IDI2: variants seen among roughly 807,000 people sequenced by gnomAD.
IDI2 encodes isopentenyl-diphosphate delta isomerase 2, also known as isopentenyl-diphosphate delta-isomerase 2.
Under a neutral mutation model 14.8 loss-of-function variants are expected in IDI2, and 18 were observed. That is an observed-to-expected ratio of 1.22 (90% CI 0.84 to 1.80). The LOEUF is 1.80. IDI2 is among the 40% of genes most tolerant of loss of function. The probability of loss-of-function intolerance (pLI) is 0.00; values close to 1 mark genes in which losing one functional copy is unlikely to be tolerated. For missense variants in IDI2, 316 were observed against 283.2 expected, an observed-to-expected ratio of 1.12 and a Z score of -0.83; for synonymous variants, 133 against 109.6, an observed-to-expected ratio of 1.21 and a Z score of -1.33.
At position 1,019,756 on chromosome 10, in the gene IDI2, T is replaced by A; in HGVS notation, c.445A>T (p.Ile149Phe). The change falls in exon 5 of 5, where the codon ATT (isoleucine) becomes TTT (phenylalanine). Residue 149 changes from isoleucine (I) to phenylalanine (F), a missense_variant. By Grantham distance (21) the Ile-to-Phe change is conservative. Coordinates refer to ENST00000277517, the MANE Select transcript of IDI2 (RefSeq NM_033261.3). ...TTCCTCACAAGCAGAAGGTAACAAATTTCATGCTCTCCCCAAATTCTGTCT... is the reference window on the plus strand; with the variant it reads ...TTCCTCACAAGCAGAAGGTAACAAAATTCATGCTCTCCCCAAATTCTGTCT... ...KSDRIWGEHEICYLLLVRKNV... is the reference protein window; with the variant it reads ...KSDRIWGEHEFCYLLLVRKNV... 1.9e-6 allele frequency: 3 copies of A among 1,614,000 alleles called. No individual in the cohort carries two copies. Among genetic ancestry groups the A allele is most frequent in the Non-Finnish European group, 2.5e-6 (3 of 1,179,992 alleles).
At chr10:1,023,904 T>A (rs569048029) in intron 2 of IDI2, among the ~76,000 whole-genome samples, 168 of 152,340 alleles carry the variant, frequency 1.1e-3, no homozygotes, top group African/African-American at 4.0e-3. Flanking sequence ...ATGCATGACA[T>A]GGTGGTATCA....
intron 4 of IDI2, among the ~76,000 whole-genome samples, chr10:1,020,227 CTTT>C (rs67920739): frequency 1.4e-5 from 2 of 144,368 alleles, no homozygotes; most frequent in Non-Finnish European, 3.0e-5. Context: ...GAATTTCTTT[CTTT>C]TTTTTTTTTT....
chr10:1,022,674 C>G lies in IDI2; in HGVS notation c.235+9G>C, dbSNP rs757466189. On this transcript the variant is annotated intron_variant, in intron 3 of 4. Coordinates refer to ENST00000277517, the MANE Select transcript of IDI2 (RefSeq NM_033261.3). ...CTCTTCAGTCCGGGGCTTGGTTGAA[C>G]GGACTCACCAGGAAACGTGACTTTC... 6.2e-7 allele frequency: 1 copy of G among 1,605,212 alleles called. No homozygotes were observed. The highest frequency in any genetic ancestry group is 8.5e-7 in the Non-Finnish European group (1 of 1,172,108).
rs552835777 is a variant in IDI2, at chr10:1,022,076, G to A, written c.235+607C>T. On this transcript the variant is annotated intron_variant, in intron 3 of 4. Coordinates refer to ENST00000277517, the MANE Select transcript of IDI2 (RefSeq NM_033261.3). ...AGATCGAGACCATCCTGGCTAACAC[G>A]GTGAAACCCCGTCTCTACTAAAAAT... 5.3e-5 allele frequency among the ~76,000 whole-genome samples: 8 copies of A among 152,104 alleles called. No homozygotes were observed. In the East Asian group the frequency reaches 1.3e-3, roughly 26 times the overall value.
intron 1 of IDI2, 70 bp from the exon 2 acceptor site, chr10:1,024,814 C>T: frequency 6.8e-7 from 1 of 1,469,296 alleles, no homozygotes; most frequent in Non-Finnish European, 9.4e-7. Flanking sequence ...TATGTGTTAC[C>T]AACCACATTA....
At chr10:1,021,523 A>C (rs182896356) in intron 3 of IDI2, among the ~76,000 whole-genome samples, 10 of 152,276 alleles carry the variant, frequency 6.6e-5, no homozygotes, top group Non-Finnish European at 1.0e-4. Flanking sequence ...CTCTGCAAGG[A>C]GTTTGGCTGA....
At chr10:1,019,974 T>A in intron 4 of IDI2, 140 bp from the exon 5 acceptor site, 1 of 685,830 alleles carries the variant, frequency 1.5e-6, no homozygotes, top group Non-Finnish European at 2.4e-6. Context: ...AAAACCTCGA[T>A]TTTAGCTAAG....
chr10:1,019,982 A>G (rs979951948), intron 4 of IDI2, 148 bp from the exon 5 acceptor site: 2 of 672,054 alleles, frequency 3.0e-6, no homozygotes, highest in Non-Finnish European at 5.0e-6. Context: ...GATTTTAGCT[A>G]AGTAAATTTT....
chr10:1,020,934 C>T (rs1449067241), intron 3 of IDI2, 37 bp from the exon 4 acceptor site: 4 of 1,595,218 alleles, frequency 2.5e-6, no homozygotes, highest in Middle Eastern at 3.4e-4. Flanking sequence ...CCTCTTTATT[C>T]CTGAAAAGTG....
At chr10:1,025,494 T>C (rs970377851) in intron 1 of IDI2, among the ~76,000 whole-genome samples, 6 of 149,180 alleles carry the variant, frequency 4.0e-5, no homozygotes, top group Non-Finnish European at 8.9e-5. Flanking sequence ...TGAGCCGAGA[T>C]CGTGCCATTG....
intron 3 of IDI2, 121 bp from the exon 4 acceptor site, chr10:1,021,018 G>A: frequency 8.8e-7 from 1 of 1,142,706 alleles, no homozygotes; most frequent in Non-Finnish European, 1.2e-6. Context: ...GCCTGGCGGG[G>A]GGAGTGGGTT....
Position 1,022,698 on chromosome 10 carries a change from T to C in IDI2, c.220A>G (p.Lys74Glu), listed in dbSNP as rs1832131465. 1.9e-6 allele frequency: 3 copies of C among 1,613,902 alleles called. No homozygotes were observed. Among genetic ancestry groups the C allele is most frequent in the South Asian group, 2.2e-5 (2 of 91,074 alleles). The part of the protein sequence containing the change: ...RILIQQRSDT[K>E]VTFPGYFTDS... ...ACGGACTCACCAGGAAACGTGACTT[T>C]CGTGTCCGACCTCTGCTGTATCAGG... Residue 74 changes from lysine (K) to glutamate (E), a missense_variant, in exon 3 of 5, where the codon AAA becomes GAA. Transcript: ENST00000277517.
chr10:1,023,343 G>A (rs546476817), intron 2 of IDI2, among the ~76,000 whole-genome samples: 54 of 152,162 alleles, frequency 3.5e-4, no homozygotes, highest in Non-Finnish European at 6.5e-4. Context: ...GGGCGTGGTG[G>A]CAGGTGCCTG....
chr10:1,019,844 G>C lies in IDI2; in HGVS notation c.367-10C>G. 1 of 1,600,916 alleles carries C rather than the reference G, an allele frequency of 6.2e-7. No individual in the cohort carries two copies. The highest frequency in any genetic ancestry group is 8.6e-7 in the Non-Finnish European group (1 of 1,168,248). On this transcript the variant is annotated splice_polypyrimidine_tract_variant and intron_variant, in intron 4 of 4. Transcript: ENST00000277517. ...TGTCCTCTGGAGAAATCTATTGACAGAAATTGGTGCAGTGTTAACAACGCT... is the reference window on the plus strand; with the variant it reads ...TGTCCTCTGGAGAAATCTATTGACACAAATTGGTGCAGTGTTAACAACGCT...
chr10:1,022,168 A>G (rs1044295985), intron 3 of IDI2, among the ~76,000 whole-genome samples: 6 of 152,026 alleles, frequency 3.9e-5, no homozygotes, highest in Non-Finnish European at 8.8e-5. Flanking sequence ...CTGAGGCAGG[A>G]CAATGGCGTG....
At chr10:1,022,509 A>C (rs946373217) in intron 3 of IDI2, 174 bp downstream of exon 3, 5 of 532,984 alleles carry the variant, frequency 9.4e-6, no homozygotes, top group Non-Finnish European at 1.3e-5. Context: ...AACCCAGCCT[A>C]CTGAAGAGCT....
In IDI2 at chr10:1,018,921, G is replaced by A. The variant is rs543907141; in HGVS notation, c.*596C>T. On this transcript the variant is annotated 3_prime_UTR_variant, in exon 5 of 5. Coordinates refer to ENST00000277517, the MANE Select transcript of IDI2 (RefSeq NM_033261.3). The stretch of plus-strand genomic sequence containing the variant: ...ACAACAACAGTATGTTTTAAAGCAA[G>A]TATGTCTTTATTTGTAAGCATATTA... The A allele has an allele frequency of 3.3e-5, 5 of 152,402 alleles. No individual in the cohort carries two copies. Among genetic ancestry groups the A allele is most frequent in the African/African-American group, 9.6e-5 (4 of 41,538 alleles). 9.4% of individuals were successfully genotyped at this position (152,402 alleles called of 1,614,324 possible). A position where few individuals can be genotyped will look rare whatever the true frequency, so the allele number is the denominator to read the frequency against.
At position 1,019,802 on chromosome 10, in the gene IDI2, G is replaced by C; in HGVS notation, c.399C>G (p.Ile133Met). Reference sequence around the variant, plus strand: ...TGTCTGATTTTGCCTTGTGGTGATAGATTGTCATGAACACAATGTCCTCTG... The same window carrying C: ...TGTCTGATTTTGCCTTGTGGTGATACATTGTCATGAACACAATGTCCTCTG... ...ISPEDIVFMT[I>M]YHHKAKSDRI... Residue 133 changes from isoleucine to methionine, a missense_variant, in exon 5 of 5, where the codon ATC (isoleucine) becomes ATG (methionine). Ile to Met is a conservative substitution (Grantham distance 10). Coordinates refer to ENST00000277517, the MANE Select transcript of IDI2 (RefSeq NM_033261.3). The C allele has an allele frequency of 6.2e-7, 1 of 1,613,990 alleles. No homozygotes were observed. The highest frequency in any genetic ancestry group is 8.5e-7 in the Non-Finnish European group (1 of 1,179,888).
chr10:1,020,918 A>AC, intron 3 of IDI2, 21 bp from the exon 4 acceptor site: 1 of 1,604,518 alleles, frequency 6.2e-7, no homozygotes, highest in Non-Finnish European at 8.5e-7. Context: ...TGCATGTGGG[A>AC]ACATCCCTCT....
Sources: allele counts gnomAD v4.1 joint callset (sites outside exome capture counted in the v4.1 genomes callset), GRCh38; gene constraint gnomAD v4.1.1; transcripts MANE v1.5; gene names NCBI Gene and HGNC (gene_info 2026-07-23, HGNC 2026-07-21).